CPEB1: variants seen among roughly 807,000 people sequenced by gnomAD.
CPEB1 encodes cytoplasmic polyadenylation element-binding protein 1.
CPEB1 carries 7 observed loss-of-function variants against 65.8 expected under a neutral mutation model. The ratio of observed to expected loss-of-function variants is 0.11; its 90% CI spans 0.06 to 0.20. The LOEUF is 0.20. Ranked by LOEUF, CPEB1 falls within the 10% of genes least tolerant of loss-of-function variation. CPEB1 has a pLI of 1.00. For synonymous variants in CPEB1, 262 were observed against 260.0 expected, an observed-to-expected ratio of 1.01 and a Z score of -0.08; for missense variants, 551 against 712.2, an observed-to-expected ratio of 0.77 and a Z score of 2.58.
chr15:82,617,116 G>C (rs1199175450), intron 3 of CPEB1, among the ~76,000 whole-genome samples: 3 of 152,196 alleles, frequency 2.0e-5, no homozygotes, highest in African/African-American at 7.2e-5. Context: ...GCTGTCACTG[G>C]AGGTTAGTTG....
At chr15:82,636,486 TTC>T (rs2046668860) in intron 1 of CPEB1, among the ~76,000 whole-genome samples, 1 of 152,250 alleles carries the variant, frequency 6.6e-6, no homozygotes, top group Non-Finnish European at 1.5e-5. Context: ...TTGTCCAATG[TTC>T]TTTTTGCTCT....
chr15:82,647,607 C>G (rs1038469105), upstream of CPEB1: 1 of 328,874 alleles, frequency 3.0e-6, no homozygotes, highest in South Asian at 1.5e-4. Context: ...GCCCCACCGG[C>G]CGCCCCCGCA....
At chr15:82,574,753 C>T (rs1003430858) in intron 3 of CPEB1, among the ~76,000 whole-genome samples, 4 of 87,672 alleles carry the variant, frequency 4.6e-5, no homozygotes, top group African/African-American at 2.0e-4. Flanking sequence ...AAAAAAAAAT[C>T]ATAAACCATG....
At chr15:82,614,912 A>C (rs947336549) in intron 3 of CPEB1, among the ~76,000 whole-genome samples, 10 of 151,624 alleles carry the variant, frequency 6.6e-5, no homozygotes, top group Non-Finnish European at 1.3e-4. Flanking sequence ...CAACGCTCTC[A>C]CAACTGCATC....
intron 3 of CPEB1, among the ~76,000 whole-genome samples, chr15:82,622,287 T>C (rs2045369096): frequency 6.6e-6 from 1 of 152,064 alleles, no homozygotes; most frequent in Admixed American, 6.6e-5. Context: ...ACAAGGGCCT[T>C]CTTGGTGGGG....
At chr15:82,549,300 G>A (rs2035831006) in intron 10 of CPEB1, among the ~76,000 whole-genome samples, 160 bp downstream of exon 10, 1 of 152,156 alleles carries the variant, frequency 6.6e-6, no homozygotes, top group Non-Finnish European at 1.5e-5. Flanking sequence ...AGAAGGGCCA[G>A]TACTCGTGAC....
chr15:82,625,332 T>C (rs999269273), intron 3 of CPEB1, among the ~76,000 whole-genome samples: 1 of 151,952 alleles, frequency 6.6e-6, no homozygotes, highest in Non-Finnish European at 1.5e-5. Context: ...CTCATTTGCC[T>C]TCCTGTACGA....
intron 6 of CPEB1, 49 bp from the exon 7 acceptor site, chr15:82,554,040 A>G (rs547278323): frequency 1.7e-6 from 2 of 1,149,510 alleles, no homozygotes; most frequent in East Asian, 4.7e-5. Flanking sequence ...AGAATCAACA[A>G]AGCCACACTC....
At chr15:82,547,751 C>T (rs950988425) in intron 10 of CPEB1, among the ~76,000 whole-genome samples, 1 of 151,516 alleles carries the variant, frequency 6.6e-6, no homozygotes, top group African/African-American at 2.4e-5. Flanking sequence ...CAGCTCACTG[C>T]AACCTCTGCA....
intron 3 of CPEB1, among the ~76,000 whole-genome samples, chr15:82,592,555 A>AT (rs1226406802): frequency 6.7e-5 from 10 of 149,194 alleles, no homozygotes; most frequent in Non-Finnish European, 1.5e-4. Flanking sequence ...TCCAGCCTGG[A>AT]TGACAGAGCC....
chr15:82,631,421 GA>G lies in CPEB1; in HGVS notation c.-97-2866del, dbSNP rs796816890. Among the ~76,000 whole-genome samples the G allele has an allele frequency of 6.5e-3, 938 of 143,414 alleles. 11 individuals carry two copies. Among genetic ancestry groups the G allele is most frequent in the Middle Eastern group, 0.018 (5 of 278 alleles). The allele number at this position is 143,414 out of a possible 152,430, so 94.1% of individuals were successfully genotyped here. ...ATGTTTGCCTTAACCAATTTGGAAG[GA>G]AAAAAAAAAAATCAAAGCCAGGACT... On this transcript the variant is annotated intron_variant, in intron 1 of 12. Coordinates refer to ENST00000684509, the MANE Select transcript of CPEB1 (RefSeq NM_001365242.1).
chr15:82,547,276 C>G, intron 10 of CPEB1, 39 bp from the exon 11 acceptor site: 3 of 973,500 alleles, frequency 3.1e-6, no homozygotes, highest in Non-Finnish European at 4.7e-6. Context: ...TAACCAAATT[C>G]TCCCAAATGC....
intron 9 of CPEB1, among the ~76,000 whole-genome samples, chr15:82,550,940 C>T (rs1220702918): frequency 2.0e-5 from 3 of 151,940 alleles, no homozygotes; most frequent in Non-Finnish European, 4.4e-5. Flanking sequence ...GAATGGGAGA[C>T]AGGATGGTGT....
At chr15:82,630,770 G>GAGT (rs1431659860) in intron 1 of CPEB1, among the ~76,000 whole-genome samples, 1 of 152,164 alleles carries the variant, frequency 6.6e-6, no homozygotes, top group African/African-American at 2.4e-5. Context: ...GAACACAAGA[G>GAGT]AGTAGAGAGG....
At position 82,609,502 on chromosome 15, in the gene CPEB1, G is replaced by GA. The variant is rs889060393; in HGVS notation, c.271+17690dup. Among the ~76,000 whole-genome samples, 391 of 136,446 alleles carry GA rather than the reference G, an allele frequency of 2.9e-3. 1 individual carries two copies. The highest frequency in any genetic ancestry group is 9.2e-3 in the African/African-American group (342 of 37,066). 89.5% of individuals were successfully genotyped at this position (136,446 alleles called of 152,430 possible). A position where few individuals can be genotyped will look rare whatever the true frequency, so the allele number is the denominator to read the frequency against. On this transcript the variant is annotated intron_variant, in intron 3 of 12. Transcript: ENST00000684509. Reference sequence around the variant, plus strand: ...GGCAACAGAGCGAGAGCCTGTCTCAGAAAAAAAAAAATAATAACAATAGTA... The same window carrying GA: ...GGCAACAGAGCGAGAGCCTGTCTCAGAAAAAAAAAAAATAATAACAATAGTA...
At chr15:82,646,957 T>G (rs1023127492) in intron 1 of CPEB1, 180 bp downstream of exon 1, 9 of 152,426 alleles carry the variant, frequency 5.9e-5, no homozygotes, top group Admixed American at 3.3e-4. Flanking sequence ...CGCCCCTGAG[T>G]CTGGGCACCT....
At chr15:82,592,018 A>AT (rs1432170184) in intron 3 of CPEB1, among the ~76,000 whole-genome samples, 2 of 151,302 alleles carry the variant, frequency 1.3e-5, no homozygotes, top group African/African-American at 2.4e-5. Flanking sequence ...TAATTTTTGT[A>AT]TTTTTTGTAG....
At chr15:82,565,777 A>T (rs890410762) in intron 4 of CPEB1, among the ~76,000 whole-genome samples, 1 of 152,224 alleles carries the variant, frequency 6.6e-6, no homozygotes, top group African/African-American at 2.4e-5. Context: ...GGGATCATGG[A>T]AAGTCTGAGG....
intron 1 of CPEB1, among the ~76,000 whole-genome samples, chr15:82,631,367 T>C (rs1352929755): frequency 6.6e-6 from 1 of 152,048 alleles, no homozygotes; most frequent in East Asian, 1.9e-4. Context: ...TCAATGTATA[T>C]TCCAAACTGT....
Sources: gnomAD v4.1 joint callset for allele counts (sites outside exome capture counted in the v4.1 genomes callset) on GRCh38, gnomAD v4.1.1 for gene constraint, MANE v1.5 for transcripts, NCBI Gene and HGNC (gene_info 2026-07-23, HGNC 2026-07-21) for gene names.